Variants in PLEKHG1 observed in about 807,000 individuals in gnomAD.
PLEKHG1 encodes pleckstrin homology and RhoGEF domain containing G1.
In PLEKHG1, 44 loss-of-function variants were observed where a neutral mutation model predicts 100.8. That is an observed-to-expected ratio of 0.44 (90% CI 0.34 to 0.56). The LOEUF is 0.56. Among genes scored for constraint, PLEKHG1 ranks in the 20% least tolerant of loss-of-function variants. The pLI is 0.01. For synonymous variants in PLEKHG1, 640 were observed against 662.5 expected, an observed-to-expected ratio of 0.97 and a Z score of 0.52; for missense variants, 1,545 against 1,720.9, an observed-to-expected ratio of 0.90 and a Z score of 1.81.
intron 2 of PLEKHG1, among the ~76,000 whole-genome samples, chr6:150,737,965 T>C (rs1427352763): frequency 1.3e-5 from 2 of 151,212 alleles, no homozygotes; most frequent in African/African-American, 4.9e-5. Flanking sequence ...CACCACACCT[T>C]GCTAAGTTTT....
At chr6:150,778,151 G>A (rs9478817) in intron 3 of PLEKHG1, among the ~76,000 whole-genome samples, 4,467 of 152,018 alleles carry the variant, frequency 0.029, 214 homozygotes, top group African/African-American at 0.1. Context: ...TTTTTGAGAC[G>A]GAGTCTCACT....
intron 1 of PLEKHG1, chr6:150,721,302 A>C: frequency 3.2e-6 from 1 of 309,510 alleles, no homozygotes; most frequent in Non-Finnish European, 4.7e-6. Flanking sequence ...AAGGGGTCGC[A>C]GGGGGGGCTT....
At position 150,730,135 on chromosome 6, in the gene PLEKHG1, CTG is replaced by C. The variant is rs573257022; in HGVS notation, c.-98-3444_-98-3443del. On this transcript the variant is annotated intron_variant, in intron 1 of 15. Coordinates refer to ENST00000358517, the Ensembl canonical transcript of PLEKHG1. ...CAATGTAGTGCCAAGAGTTTTGTAA[CTG>C]TGTGAAAAACAGTTTTCTATTCTGG... is the stretch of plus-strand genomic sequence containing the variant. Among the ~76,000 whole-genome samples, 496 of 152,268 alleles carry C rather than the reference CTG, an allele frequency of 3.3e-3. 4 individuals carry two copies. The highest frequency in any genetic ancestry group is 0.011 in the African/African-American group (470 of 41,558).
intron 3 of PLEKHG1, among the ~76,000 whole-genome samples, chr6:150,695,640 G>A (rs1477450773): frequency 6.6e-6 from 1 of 152,178 alleles, no homozygotes; most frequent in Non-Finnish European, 1.5e-5. Flanking sequence ...TTCTCCTGAG[G>A]ACTGGATGAG....
intron 2 of PLEKHG1, among the ~76,000 whole-genome samples, chr6:150,638,407 G>A (rs1214218355): frequency 1.3e-5 from 2 of 152,022 alleles, no homozygotes; most frequent in African/African-American, 4.8e-5. Context: ...TACACAGAAG[G>A]TTCTGGAACA....
At chr6:150,820,203 T>C (rs1007824412) in intron 12 of PLEKHG1, among the ~76,000 whole-genome samples, 2 of 151,504 alleles carry the variant, frequency 1.3e-5, no homozygotes, top group Non-Finnish European at 2.9e-5. Flanking sequence ...AGTGAGACTC[T>C]GTCTAAAAAA....
At position 150,683,125 on chromosome 6, in the gene PLEKHG1, C is replaced by G. The variant is rs1420101809; in HGVS notation, c.-99+32339C>G. On this transcript the variant is annotated intron_variant, in intron 3 of 3. Coordinates refer to the PLEKHG1 transcript ENST00000367326. The surrounding 1 kb of genome is among the most constrained non-coding windows in gnomAD (Gnocchi z 4.0). ...TTTGTGCTCAGAACCACATTAGGCC[C>G]TAAGAGACTCCAGAGAGACACATGG... 6.6e-6 allele frequency among the ~76,000 whole-genome samples: 1 copy of G among 152,200 alleles called. No homozygotes were observed. Among genetic ancestry groups the G allele is most frequent in the Non-Finnish European group, 1.5e-5 (1 of 68,036 alleles).
intron 7 of PLEKHG1, among the ~76,000 whole-genome samples, chr6:150,808,161 A>G (rs1787257351): frequency 6.6e-6 from 1 of 152,156 alleles, no homozygotes; most frequent in South Asian, 2.1e-4. Flanking sequence ...ATGCCTGTCA[A>G]AATATATCAC....
upstream of PLEKHG1, among the ~76,000 whole-genome samples, chr6:150,719,320 T>TA (rs1781566351): frequency 6.6e-6 from 1 of 152,144 alleles, no homozygotes; most frequent in Non-Finnish European, 1.5e-5. Context: ...AAGTACAATG[T>TA]AATTTTATTG....
chr6:150,771,861 T>C (rs1784730323), intron 3 of PLEKHG1, among the ~76,000 whole-genome samples: 1 of 152,212 alleles, frequency 6.6e-6, no homozygotes, highest in South Asian at 2.1e-4. Context: ...TAGGTTTCTT[T>C]TTTCAGTAAA....
chr6:150,841,196 A>T, exon 16 of PLEKHG1: 1 of 483,988 alleles, frequency 2.1e-6, no homozygotes, highest in Non-Finnish European at 3.8e-6. Context: ...ACCTGACAAT[A>T]GTGCCCACAC....
At chr6:150,642,775 A>G (rs982226957) in intron 2 of PLEKHG1, among the ~76,000 whole-genome samples, 6 of 152,202 alleles carry the variant, frequency 3.9e-5, no homozygotes, top group Admixed American at 3.3e-4. Flanking sequence ...AAGCATTGAT[A>G]ACTGTATTAC....
upstream of PLEKHG1, among the ~76,000 whole-genome samples, chr6:150,720,137 A>G (rs1258915107): frequency 1.3e-5 from 2 of 152,232 alleles, no homozygotes. Context: ...ATGCAAAGAC[A>G]TAATCCATAT....
chr6:150,764,211 G>A (rs1211258678), intron 2 of PLEKHG1, among the ~76,000 whole-genome samples: 1 of 150,408 alleles, frequency 6.6e-6, no homozygotes, highest in Non-Finnish European at 1.5e-5. Flanking sequence ...TTTGCCTCCC[G>A]GGTTCAAGCG....
chr6:150,780,248 G>T (rs987591265), intron 3 of PLEKHG1, among the ~76,000 whole-genome samples: 1 of 149,180 alleles, frequency 6.7e-6, no homozygotes, highest in Admixed American at 6.8e-5. Flanking sequence ...TGATTCTTCC[G>T]CCTCGACCTC....
At chr6:150,621,477 C>T (rs757090889) in intron 1 of PLEKHG1, among the ~76,000 whole-genome samples, 20 of 151,664 alleles carry the variant, frequency 1.3e-4, no homozygotes, top group African/African-American at 4.1e-4. Flanking sequence ...TGGGTTCAGG[C>T]GGTTCTCCTG....
intron 3 of PLEKHG1, among the ~76,000 whole-genome samples, chr6:150,780,930 G>A (rs143117952): frequency 1.4e-3 from 217 of 151,966 alleles, no homozygotes; most frequent in African/African-American, 5.0e-3. Context: ...CTGGAGTGCA[G>A]TGGCACTATC....
intron 2 of PLEKHG1, among the ~76,000 whole-genome samples, chr6:150,760,666 T>C (rs1032678178): frequency 5.2e-4 from 68 of 130,936 alleles, no homozygotes; most frequent in African/African-American, 2.0e-3. Context: ...TAGCTAGAAA[T>C]AATGATAGGA....
chr6:150,739,251 C>CATGTGT lies in PLEKHG1; in HGVS notation c.411+5161_411+5162insGTGTAT, dbSNP rs372219042. ...AAGCCATATTTGGTGATATTGAGGA[C>CATGTGT]ATTTAGTGAAAAAAGGGGCTGAATT... On this transcript the variant is annotated intron_variant, in intron 2 of 15. Coordinates refer to ENST00000358517, the Ensembl canonical transcript of PLEKHG1. Among the ~76,000 whole-genome samples the CATGTGT allele has an allele frequency of 6.7e-3, 1,021 of 152,128 alleles. 16 individuals carry two copies. The highest frequency in any genetic ancestry group is 0.023 in the African/African-American group (955 of 41,524).
Sources: allele counts gnomAD v4.1 joint callset (sites outside exome capture counted in the v4.1 genomes callset), GRCh38; gene constraint gnomAD v4.1.1; non-coding constraint Gnocchi (gnomAD v3.1); transcripts MANE v1.5; gene names NCBI Gene and HGNC (gene_info 2026-07-23, HGNC 2026-07-21).